Variants in TMEM50B observed in about 807,000 individuals in gnomAD.
TMEM50B encodes HCV p7-trans-regulated protein 3.
In TMEM50B, 14 loss-of-function variants were observed where a neutral mutation model predicts 23.4. The observed-to-expected ratio is 0.60, with a 90% CI of 0.39 to 0.93. TMEM50B has a LOEUF of 0.93. Ranked by LOEUF, TMEM50B falls within the 40% of genes least tolerant of loss-of-function variation. The probability of loss-of-function intolerance (pLI) is 0.00; values close to 1 mark genes in which losing one functional copy is unlikely to be tolerated. For synonymous variants in TMEM50B, 64 were observed against 62.3 expected (o/e 1.03, Z -0.13); for missense variants, 159 against 193.0 (o/e 0.82, Z 1.04).
At chr21:33,479,504 CG>C (rs1234557642) in intron 1 of TMEM50B, among the ~76,000 whole-genome samples, 4 of 152,194 alleles carry the variant, frequency 2.6e-5, no homozygotes, top group Non-Finnish European at 4.4e-5. Context: ...GTGAAAGGCA[CG>C]AGATGGAGCC....
At chr21:33,432,790 T>C (rs751639678) in exon 9 of TMEM50B, 8 of 1,614,024 alleles carry the variant, frequency 5.0e-6, no homozygotes, top group Non-Finnish European at 6.8e-6. Context: ...CAGGAGCCTG[T>C]TTCTTCCTGG....
chr21:33,476,557 T>G (rs755485842), intron 1 of TMEM50B, among the ~76,000 whole-genome samples: 3 of 151,670 alleles, frequency 2.0e-5, no homozygotes, highest in Admixed American at 6.6e-5. Flanking sequence ...GTCAGGAGAT[T>G]GAGACCATCC....
chr21:33,472,347 C>G (rs2084325830), intron 1 of TMEM50B, among the ~76,000 whole-genome samples: 1 of 151,436 alleles, frequency 6.6e-6, no homozygotes, highest in Non-Finnish European at 1.5e-5. Context: ...TGCACCACTG[C>G]ACTCCAGTCA....
At chr21:33,447,545 T>C (rs1358006749), downstream of TMEM50B, among the ~76,000 whole-genome samples, 1 of 152,186 alleles carries the variant, frequency 6.6e-6, no homozygotes, top group Admixed American at 6.6e-5. Flanking sequence ...ATGAGTTCAA[T>C]GCACCCATGT....
At chr21:33,436,470 C>A (rs1182229263) in intron 8 of TMEM50B, among the ~76,000 whole-genome samples, 1 of 152,164 alleles carries the variant, frequency 6.6e-6, no homozygotes, top group African/African-American at 2.4e-5. Flanking sequence ...CGCCTATAAT[C>A]CCAGCACTTT....
At chr21:33,473,609 G>A (rs1459785882) in intron 1 of TMEM50B, among the ~76,000 whole-genome samples, 2 of 150,040 alleles carry the variant, frequency 1.3e-5, no homozygotes, top group African/African-American at 2.5e-5. Context: ...CCAGAAGTTC[G>A]AGGTTACAGT....
At chr21:33,455,866 C>A in intron 5 of TMEM50B, 82 bp from the exon 6 acceptor site, 1 of 964,930 alleles carries the variant, frequency 1.0e-6, no homozygotes, top group East Asian at 2.4e-5. Context: ...CATAATGATA[C>A]ATTTTGTATA....
intron 4 of TMEM50B, among the ~76,000 whole-genome samples, chr21:33,463,279 G>A (rs1358510578): frequency 1.3e-5 from 2 of 152,196 alleles, no homozygotes; most frequent in Admixed American, 1.3e-4. Context: ...GTGACAGAGC[G>A]AGACTCCGTC....
At chr21:33,459,240 C>T (rs781402995) in intron 5 of TMEM50B, among the ~76,000 whole-genome samples, 1 of 152,194 alleles carries the variant, frequency 6.6e-6, no homozygotes, top group Non-Finnish European at 1.5e-5. Flanking sequence ...AGCTATGGCA[C>T]CTGGCAGAGC....
At chr21:33,440,447 G>A (rs1242627024) in intron 7 of TMEM50B, among the ~76,000 whole-genome samples, 5 of 151,762 alleles carry the variant, frequency 3.3e-5, no homozygotes, top group Non-Finnish European at 7.4e-5. Context: ...AATTAGCTGG[G>A]CATGGTGGTG....
intron 6 of TMEM50B, among the ~76,000 whole-genome samples, chr21:33,451,095 A>C (rs1023051659): frequency 5.9e-5 from 9 of 152,358 alleles, no homozygotes; most frequent in African/African-American, 2.2e-4. Context: ...AGTTATTAAC[A>C]GGCAACTTGT....
chr21:33,470,213 T>C (rs1246857148), intron 1 of TMEM50B, among the ~76,000 whole-genome samples: 1 of 152,090 alleles, frequency 6.6e-6, no homozygotes, highest in Non-Finnish European at 1.5e-5. Flanking sequence ...GGCTCACGCC[T>C]ATAATCCCAG....
intron 1 of TMEM50B, among the ~76,000 whole-genome samples, chr21:33,471,318 CTCA>C (rs2084313437): frequency 6.6e-6 from 1 of 151,232 alleles, no homozygotes; most frequent in Non-Finnish European, 1.5e-5. Context: ...ACAAAATTGA[CTCA>C]TATTATTCAC....
At chr21:33,473,140 T>C (rs1448511214) in intron 1 of TMEM50B, among the ~76,000 whole-genome samples, 1 of 149,412 alleles carries the variant, frequency 6.7e-6, no homozygotes, top group Non-Finnish European at 1.5e-5. Context: ...GGAATGACAC[T>C]GTTAATAACG....
At chr21:33,476,121 CA>C (rs1321489363) in intron 1 of TMEM50B, among the ~76,000 whole-genome samples, 1 of 152,200 alleles carries the variant, frequency 6.6e-6, no homozygotes, top group Non-Finnish European at 1.5e-5. Context: ...GAGCCAGGCA[CA>C]GTGGCTCATG....
downstream of TMEM50B, among the ~76,000 whole-genome samples, chr21:33,447,831 C>A (rs1213046802): frequency 6.6e-6 from 1 of 151,702 alleles, no homozygotes; most frequent in Non-Finnish European, 1.5e-5. Context: ...TAATATTGGT[C>A]CACACACAAA....
intron 1 of TMEM50B, chr21:33,478,924 G>A (rs1469659823): frequency 7.0e-6 from 3 of 426,474 alleles, no homozygotes; most frequent in East Asian, 1.5e-4. Context: ...GGGATCCTCC[G>A]AAAAGAGAAA....
chr21:33,460,897 G>A (rs902135974), intron 4 of TMEM50B, among the ~76,000 whole-genome samples: 1 of 152,138 alleles, frequency 6.6e-6, no homozygotes, highest in African/African-American at 2.4e-5. Flanking sequence ...TTTAATCAAT[G>A]GTAAGCTTCT....
At chr21:33,476,280 G>C (rs912897688) in intron 1 of TMEM50B, among the ~76,000 whole-genome samples, 4 of 152,026 alleles carry the variant, frequency 2.6e-5, no homozygotes, top group African/African-American at 9.7e-5. Flanking sequence ...CTACTCAGGA[G>C]GCTGAGGCAG....
Sources: allele counts gnomAD v4.1 joint callset (sites outside exome capture counted in the v4.1 genomes callset), GRCh38; gene constraint gnomAD v4.1.1; transcripts MANE v1.5; gene names NCBI Gene and HGNC (gene_info 2026-07-23, HGNC 2026-07-21).